Variants in RPS6KA5 observed in about 807,000 individuals in gnomAD.
RPS6KA5 encodes the protein ribosomal protein S6 kinase alpha-5.
In RPS6KA5, 27 loss-of-function variants were observed where a neutral mutation model predicts 85.5. That is an observed-to-expected ratio of 0.32 (90% CI 0.23 to 0.44). RPS6KA5 has a LOEUF of 0.44. Among genes scored for constraint, RPS6KA5 ranks in the 20% least tolerant of loss-of-function variants. RPS6KA5 has a pLI of 1.00. For missense variants in RPS6KA5, 811 were observed against 980.9 expected, an observed-to-expected ratio of 0.83 and a Z score of 2.31; for synonymous variants, 334 against 348.2, an observed-to-expected ratio of 0.96 and a Z score of 0.46.
intron 3 of RPS6KA5, among the ~76,000 whole-genome samples, chr14:90,951,118 C>CAAA (rs57389099): frequency 5.3e-4 from 45 of 84,376 alleles, no homozygotes; most frequent in South Asian, 2.9e-3. Context: ...GACTCAGTCT[C>CAAA]AAAAAAAAAA....
intron 2 of RPS6KA5, among the ~76,000 whole-genome samples, chr14:90,999,310 CTA>C (rs2040673081): frequency 1.3e-5 from 2 of 152,128 alleles, no homozygotes; most frequent in South Asian, 4.1e-4. Context: ...TTCTTTCTTG[CTA>C]TAATGTTTGG....
At chr14:90,894,159 T>G in intron 13 of RPS6KA5, 1 of 1,115,568 alleles carries the variant, frequency 9.0e-7, no homozygotes. Flanking sequence ...ATAAAGTATT[T>G]TTTCCATAAA....
At chr14:90,900,831 C>A in intron 9 of RPS6KA5, 95 bp from the exon 10 acceptor site, 1 of 1,025,718 alleles carries the variant, frequency 9.7e-7, no homozygotes, top group Non-Finnish European at 1.4e-6. Context: ...CTTAGAAAAA[C>A]ACTCAAATAT....
At chr14:91,021,366 C>A (rs886460995) in intron 1 of RPS6KA5, among the ~76,000 whole-genome samples, 1 of 152,066 alleles carries the variant, frequency 6.6e-6, no homozygotes, top group African/African-American at 2.4e-5. Flanking sequence ...CTTGGTCAGG[C>A]ACAATGACTC....
chr14:90,853,667 T>C lies in RPS6KA5; in HGVS notation c.*18407A>G, dbSNP rs28645774. The C allele has an allele frequency of 1.4e-4, 2 of 14,594 alleles. No homozygotes were observed. Among genetic ancestry groups the C allele is most frequent in the Admixed American group, 5.4e-4 (1 of 1,852 alleles). 0.9% of individuals were successfully genotyped at this position (14,594 alleles called of 1,614,324 possible). ...GGTGAAACCCCATCTCTACTAAAAATACAAAAAAAAAAAAAAAAACCCTAA... is the reference window on the plus strand; with the variant it reads ...GGTGAAACCCCATCTCTACTAAAAACACAAAAAAAAAAAAAAAAACCCTAA... On this transcript the variant is annotated 3_prime_UTR_variant, in exon 17 of 17. Coordinates refer to ENST00000614987, the MANE Select transcript of RPS6KA5 (RefSeq NM_004755.4).
intron 15 of RPS6KA5, among the ~76,000 whole-genome samples, chr14:90,874,336 G>A (rs1449688069): frequency 6.6e-6 from 1 of 152,196 alleles, no homozygotes; most frequent in African/African-American, 2.4e-5. Context: ...GGGAGTGAGG[G>A]CATCCTGGAA....
rs556918845 is a variant in RPS6KA5, at chr14:90,860,629, AATG to A, written c.*11442_*11444del. The A allele has an allele frequency of 1.2e-4, 19 of 152,294 alleles. No homozygotes were observed. The East Asian group carries it at 3.5e-3, about 28-fold the overall frequency. The allele number at this position is 152,294 out of a possible 1,614,324, so 9.4% of individuals were successfully genotyped here. A position where few individuals can be genotyped will look rare whatever the true frequency, so the allele number is the denominator to read the frequency against. ...GTAACATTGAATTGTATCTGAATGG[AATG>A]ATTAGATGGGTATATTACATGATAC... On this transcript the variant is annotated 3_prime_UTR_variant, in exon 17 of 17. Transcript: ENST00000614987.
At position 90,968,929 on chromosome 14, in the gene RPS6KA5, A is replaced by G. The variant is rs1166254966; in HGVS notation, c.394+9377T>C. 6.6e-5 allele frequency among the ~76,000 whole-genome samples: 10 copies of G among 152,358 alleles called. No homozygotes were observed. The East Asian group carries it at 1.9e-3, about 29-fold the overall frequency. ...CTTTAATTTAGGTCACACATCTTTCATATTAGGAAAACAATTTATATTTCA... is the reference window on the plus strand; with the variant it reads ...CTTTAATTTAGGTCACACATCTTTCGTATTAGGAAAACAATTTATATTTCA... On this transcript the variant is annotated intron_variant, in intron 3 of 16. Coordinates refer to ENST00000614987, the MANE Select transcript of RPS6KA5 (RefSeq NM_004755.4).
intron 7 of RPS6KA5, among the ~76,000 whole-genome samples, chr14:90,917,278 AT>A (rs2036166974): frequency 6.6e-6 from 1 of 152,244 alleles, no homozygotes; most frequent in Non-Finnish European, 1.5e-5. Flanking sequence ...TAACTTTGGC[AT>A]TAAATAAATT....
At chr14:90,933,833 C>T (rs1042390995) in intron 5 of RPS6KA5, among the ~76,000 whole-genome samples, 1 of 152,158 alleles carries the variant, frequency 6.6e-6, no homozygotes, top group African/African-American at 2.4e-5. Context: ...ATTCTGTATG[C>T]CCACAACGGC....
At chr14:90,875,399 G>C (rs1326016761) in intron 14 of RPS6KA5, 39 bp from the exon 15 acceptor site, 1 of 1,582,352 alleles carries the variant, frequency 6.3e-7, no homozygotes, top group Non-Finnish European at 8.6e-7. Context: ...TGACTACCCA[G>C]ATCTGTTAAA....
At chr14:90,973,991 T>C (rs553181073) in intron 3 of RPS6KA5, among the ~76,000 whole-genome samples, 32 of 123,128 alleles carry the variant, frequency 2.6e-4, no homozygotes, top group South Asian at 5.5e-4. Context: ...TGGGCCAAGA[T>C]TGCACCACTG....
At chr14:90,917,296 G>A (rs1442507871) in intron 7 of RPS6KA5, among the ~76,000 whole-genome samples, 1 of 152,180 alleles carries the variant, frequency 6.6e-6, no homozygotes, top group Non-Finnish European at 1.5e-5. Flanking sequence ...AATTGAAACA[G>A]TGAGAAATCA....
At chr14:91,056,654 T>C (rs1176573680) in intron 1 of RPS6KA5, among the ~76,000 whole-genome samples, 3 of 152,182 alleles carry the variant, frequency 2.0e-5, no homozygotes, top group Non-Finnish European at 4.4e-5. Context: ...ATACATGTCC[T>C]ATCATCCAAG....
intron 1 of RPS6KA5, among the ~76,000 whole-genome samples, chr14:91,032,634 G>C (rs540196479): frequency 6.6e-6 from 1 of 152,116 alleles, no homozygotes. Flanking sequence ...CATGCTTGAC[G>C]GCTATGGGTC....
intron 2 of RPS6KA5, among the ~76,000 whole-genome samples, chr14:90,993,251 C>A (rs552124850): frequency 2.0e-5 from 3 of 152,230 alleles, no homozygotes; most frequent in South Asian, 4.1e-4. Flanking sequence ...ATCGGCCTGG[C>A]TAATATGGTG....
At chr14:90,926,663 A>C (rs931142371) in intron 5 of RPS6KA5, among the ~76,000 whole-genome samples, 1 of 86,286 alleles carries the variant, frequency 1.2e-5, no homozygotes, top group African/African-American at 6.2e-5. Flanking sequence ...ATATATATTT[A>C]AGTGTGTGTG....
rs1411030406 is a variant in RPS6KA5 at position 90,856,682 on chromosome 14, TATAAG to T, written c.*15387_*15391del. ...ACGGCCTGTGTGTGATTTTTTAAAA[TATAAG>T]ATAAAATTCATTTTAAGTGTACCAT... On this transcript the variant is annotated 3_prime_UTR_variant, in exon 17 of 17. Transcript: ENST00000614987. 3.3e-5 allele frequency: 5 copies of T among 152,210 alleles called. No individual in the cohort carries two copies. The highest frequency in any genetic ancestry group is 7.3e-5 in the Non-Finnish European group (5 of 68,046). 9.4% of individuals were successfully genotyped at this position (152,210 alleles called of 1,614,324 possible). A position where few individuals can be genotyped will look rare whatever the true frequency, so the allele number is the denominator to read the frequency against.
chr14:90,988,816 A>AAAAT (rs59317657), intron 2 of RPS6KA5, among the ~76,000 whole-genome samples: 6,878 of 152,004 alleles, frequency 0.045, 436 homozygotes, highest in African/African-American at 0.13. Flanking sequence ...CCATCTCAAA[A>AAAAT]AAATAAATAA....
Sources: allele counts gnomAD v4.1 joint callset (sites outside exome capture counted in the v4.1 genomes callset), GRCh38; gene constraint gnomAD v4.1.1; transcripts MANE v1.5; gene names NCBI Gene and HGNC (gene_info 2026-07-23, HGNC 2026-07-21).